Variants in MYOM2 observed in about 807,000 individuals in gnomAD.
MYOM2 encodes myomesin-2.
In MYOM2, 254 loss-of-function variants were observed where a neutral mutation model predicts 187.6. The observed-to-expected ratio is 1.35, with a 90% CI of 1.22 to 1.50. MYOM2 has a LOEUF of 1.50. Ranked by LOEUF, MYOM2 falls within the 40% of genes most tolerant of loss-of-function variation. The pLI, the probability that MYOM2 is intolerant of heterozygous loss-of-function variation, is 0.00. For missense variants in MYOM2, 2,796 were observed against 1,924.0 expected, an observed-to-expected ratio of 1.45 and a Z score of -8.48; for synonymous variants, 981 against 753.8, an observed-to-expected ratio of 1.30 and a Z score of -4.94.
At chr8:2,087,622 T>C (rs1361639227) in intron 14 of MYOM2, among the ~76,000 whole-genome samples, 1 of 152,146 alleles carries the variant, frequency 6.6e-6, no homozygotes, top group Non-Finnish European at 1.5e-5. Context: ...TTTTTGTTTT[T>C]ATTTTTGAGA....
chr8:2,075,769 G>C (rs1819394625), intron 10 of MYOM2, among the ~76,000 whole-genome samples: 1 of 152,166 alleles, frequency 6.6e-6, no homozygotes, highest in Non-Finnish European at 1.5e-5. Context: ...TATCTCAGGT[G>C]ATATTTCTCA....
At chr8:2,116,143 A>T (rs1229139642) in intron 26 of MYOM2, 39 bp downstream of exon 26, 2 of 1,603,816 alleles carry the variant, frequency 1.2e-6, no homozygotes, top group South Asian at 2.3e-5. Flanking sequence ...ATACAAGATA[A>T]TTCAAATGAA....
intron 24 of MYOM2, 29 bp downstream of exon 24, chr8:2,108,859 G>C (rs1213537197): frequency 2.5e-6 from 4 of 1,610,872 alleles, no homozygotes; most frequent in African/African-American, 1.3e-5. Context: ...CTTCCCCTCT[G>C]CTTGCAGCTG....
At chr8:2,048,151 T>C (rs1443471769) in intron 1 of MYOM2, among the ~76,000 whole-genome samples, 1 of 152,362 alleles carries the variant, frequency 6.6e-6, no homozygotes, top group East Asian at 1.9e-4. Flanking sequence ...AAGTAGATAC[T>C]GTGATGACAC....
intron 28 of MYOM2, among the ~76,000 whole-genome samples, chr8:2,118,325 C>A (rs1797314895): frequency 6.6e-6 from 1 of 152,146 alleles, no homozygotes; most frequent in African/African-American, 2.4e-5. Flanking sequence ...AGACAAGATA[C>A]TTCTTTCAGT....
chr8:2,109,837 G>T (rs997471220), intron 25 of MYOM2, among the ~76,000 whole-genome samples: 1 of 152,216 alleles, frequency 6.6e-6, no homozygotes, highest in South Asian at 2.1e-4. Context: ...TGATGAATCA[G>T]TTCACTTATT....
intron 6 of MYOM2, 81 bp downstream of exon 6, chr8:2,059,326 C>T: frequency 7.9e-7 from 1 of 1,264,856 alleles, no homozygotes; most frequent in Non-Finnish European, 1.1e-6. Flanking sequence ...AGATGGGTAA[C>T]TGGAGGCCAA....
chr8:2,110,459 T>C (rs1298251476), intron 25 of MYOM2, among the ~76,000 whole-genome samples: 1 of 152,194 alleles, frequency 6.6e-6, no homozygotes, highest in Non-Finnish European at 1.5e-5. Flanking sequence ...GAGAAGCCAA[T>C]GGTTGTGTTT....
chr8:2,120,674 AT>A (rs1483428011), intron 28 of MYOM2, among the ~76,000 whole-genome samples: 8,325 of 31,784 alleles, frequency 0.26, 1,721 homozygotes, highest in Admixed American at 0.38. Flanking sequence ...ATATATATAT[AT>A]TATATTATAT....
chr8:2,111,839 T>A (rs1456604014), intron 25 of MYOM2, among the ~76,000 whole-genome samples: 1 of 152,266 alleles, frequency 6.6e-6, no homozygotes, highest in African/African-American at 2.4e-5. Flanking sequence ...TGTACCAATT[T>A]CCTGTGCCAG....
At chr8:2,144,148 T>C (rs868665747) in intron 36 of MYOM2, among the ~76,000 whole-genome samples, 8 of 151,636 alleles carry the variant, frequency 5.3e-5, no homozygotes, top group South Asian at 2.1e-4. Flanking sequence ...ATCTTAAGGA[T>C]GTAATTGAGA....
At chr8:2,047,329 T>C (rs925249149) in intron 1 of MYOM2, among the ~76,000 whole-genome samples, 7 of 152,010 alleles carry the variant, frequency 4.6e-5, no homozygotes, top group African/African-American at 1.7e-4. Flanking sequence ...AGTTCTAACA[T>C]AGGAAGTCCC....
At chr8:2,064,493 C>T (rs957649084) in intron 6 of MYOM2, among the ~76,000 whole-genome samples, 1 of 151,982 alleles carries the variant, frequency 6.6e-6, no homozygotes, top group Non-Finnish European at 1.5e-5. Flanking sequence ...GGTTTCTTTA[C>T]AGAAGGAAGG....
chr8:2,084,188 C>T (rs1819730114), intron 13 of MYOM2, among the ~76,000 whole-genome samples: 1 of 152,270 alleles, frequency 6.6e-6, no homozygotes, highest in East Asian at 1.9e-4. Flanking sequence ...GAGAGCAGGC[C>T]TGTGGGGTGT....
intron 6 of MYOM2, among the ~76,000 whole-genome samples, chr8:2,061,663 C>G (rs1048494970): frequency 6.6e-6 from 1 of 152,242 alleles, no homozygotes; most frequent in Non-Finnish European, 1.5e-5. Context: ...GGCCTGGGGC[C>G]TTTGTCCTGC....
At chr8:2,103,445 G>A (rs1055249698) in intron 21 of MYOM2, among the ~76,000 whole-genome samples, 3 of 151,456 alleles carry the variant, frequency 2.0e-5, no homozygotes, top group African/African-American at 7.3e-5. Context: ...AAATGAGTGG[G>A]AGAGTGTGCA....
At chr8:2,135,264 CT>C (rs1174164010) in intron 32 of MYOM2, among the ~76,000 whole-genome samples, 1 of 152,152 alleles carries the variant, frequency 6.6e-6, no homozygotes, top group African/African-American at 2.4e-5. Flanking sequence ...TTCCTTTCAT[CT>C]TTAGCCATAC....
intron 11 of MYOM2, 73 bp downstream of exon 11, chr8:2,076,355 A>T (rs1819421218): frequency 1.3e-6 from 2 of 1,540,796 alleles, no homozygotes; most frequent in Non-Finnish European, 1.8e-6. Context: ...ATATTGAGAA[A>T]TTTTTCTCAA....
chr8:2,129,085 G>A (rs751601070), intron 31 of MYOM2, 42 bp from the exon 32 acceptor site: 3 of 1,433,320 alleles, frequency 2.1e-6, no homozygotes, highest in Non-Finnish European at 2.9e-6. Flanking sequence ...CACACAGCAG[G>A]CACTCCTTTT....
Sources: allele counts gnomAD v4.1 joint callset (sites outside exome capture counted in the v4.1 genomes callset), GRCh38; gene constraint gnomAD v4.1.1; transcripts MANE v1.5; gene names NCBI Gene and HGNC (gene_info 2026-07-23, HGNC 2026-07-21).